The following ANKRD30BL variants were observed in gnomAD, a reference collection of about 807,000 sequenced individuals.
ANKRD30BL encodes the protein putative ankyrin repeat domain-containing protein 30B-like.
Under a neutral mutation model 18.4 loss-of-function variants are expected in ANKRD30BL, and 20 were observed. The ratio of observed to expected loss-of-function variants is 1.09; its 90% CI spans 0.77 to 1.58. The LOEUF (loss-of-function observed/expected upper bound fraction) is 1.58. Ranked by LOEUF, ANKRD30BL falls within the 40% of genes most tolerant of loss-of-function variation. The pLI is 0.00. For missense variants in ANKRD30BL, 224 were observed against 268.6 expected (o/e 0.83, Z 1.16); for synonymous variants, 72 against 100.9 (o/e 0.71, Z 1.72).
intron 1 of ANKRD30BL, among the ~76,000 whole-genome samples, chr2:132,230,576 ACT>A (rs1318316355): frequency 6.6e-6 from 1 of 151,902 alleles, no homozygotes; most frequent in Non-Finnish European, 1.5e-5. Flanking sequence ...GTTTTGAAGC[ACT>A]GTTTTTGGAC....
At chr2:132,159,028 C>T (rs1341908301) in intron 1 of ANKRD30BL, among the ~76,000 whole-genome samples, 2 of 151,892 alleles carry the variant, frequency 1.3e-5, no homozygotes, top group Non-Finnish European at 2.9e-5. Flanking sequence ...TGTACATGCT[C>T]AATGTGGAAA....
At chr2:132,167,466 A>ATG (rs1277191060) in intron 1 of ANKRD30BL, among the ~76,000 whole-genome samples, 1 of 152,008 alleles carries the variant, frequency 6.6e-6, no homozygotes, top group Non-Finnish European at 1.5e-5. Context: ...GGGATTACAG[A>ATG]TGTGTGCCAC....
chr2:132,204,465 ATGTATG>A, intron 1 of ANKRD30BL, among the ~76,000 whole-genome samples: 3 of 94,072 alleles, frequency 3.2e-5, no homozygotes, highest in African/African-American at 9.6e-5. Flanking sequence ...GTGTGTATGT[ATGTATG>A]TATATATAGT....
rs530184588 is a variant in ANKRD30BL at position 132,186,862 on chromosome 2, C to T, written n.442-29716G>A. Among the ~76,000 whole-genome samples the T allele has an allele frequency of 2.6e-3, 394 of 152,120 alleles. 5 individuals carry two copies. Among genetic ancestry groups the T allele is most frequent in the African/African-American group, 9.0e-3 (373 of 41,508 alleles). ...TAAATGTCTTTCATTAAAATATTCA[C>T]CTACATAAAATAAGTATTCAGAATT... On this transcript the variant is annotated intron_variant and non_coding_transcript_variant, in intron 1 of 4. Transcript: ENST00000470729.
intron 1 of ANKRD30BL, among the ~76,000 whole-genome samples, chr2:132,231,439 C>A (rs1680007593): frequency 1.3e-5 from 2 of 152,206 alleles, no homozygotes; most frequent in African/African-American, 4.8e-5. Flanking sequence ...AGGTTCATCT[C>A]ACTAGGGAGT....
Position 132,150,967 on chromosome 2 carries a change from T to C in ANKRD30BL, c.624A>G (p.Gln208=), listed in dbSNP as rs964721516. ...TCTTTTGTTTATATTCCAAAAGTTG[T>C]TGATGAACGCTATGTATAAAAATGA... The part of the protein sequence containing the change: ...NAVDKFKCVH[Q]QLLEYKQKIS... Residue 208 remains glutamine (Q), a synonymous_variant, in exon 5 of 6, where the codon CAA becomes CAG. Coordinates refer to ENST00000409867, the MANE Select transcript of ANKRD30BL (RefSeq NM_001358416.1). The C allele has an allele frequency of 1.1e-5, 7 of 613,510 alleles. No homozygotes were observed. The Admixed American group carries it at 1.4e-4, about 13-fold the overall frequency. 38.0% of individuals were successfully genotyped at this position (613,510 alleles called of 1,614,324 possible). A position where few individuals can be genotyped will look rare whatever the true frequency, so the allele number is the denominator to read the frequency against.
In ANKRD30BL at chr2:132,221,626, CAGTCCGGGAGGGAGGTGGGGGGTT is replaced by C. The variant is rs1679688026; in HGVS notation, n.441+35879_441+35902del. 3.9e-5 allele frequency among the ~76,000 whole-genome samples: 5 copies of C among 126,818 alleles called. 1 individual carries two copies. The highest frequency in any genetic ancestry group is 1.9e-4 in the African/African-American group (5 of 26,784). 83.2% of individuals were successfully genotyped at this position (126,818 alleles called of 152,430 possible). On this transcript the variant is annotated intron_variant and non_coding_transcript_variant, in intron 1 of 4. Coordinates refer to the ANKRD30BL transcript ENST00000470729. ...TCAGCCCCCCGCCCGGCCAGCCGCC[CAGTCCGGGAGGGAGGTGGGGGGTT>C]CAGCCCCCCGCCCGGCCAGCCGCCC...
chr2:132,219,876 T>C (rs796234432), intron 1 of ANKRD30BL, among the ~76,000 whole-genome samples: 1 of 152,184 alleles, frequency 6.6e-6, no homozygotes, highest in Non-Finnish European at 1.5e-5. Context: ...TTGTGATGTG[T>C]GCATTCAACT....
intron 1 of ANKRD30BL, among the ~76,000 whole-genome samples, chr2:132,184,650 T>C (rs999318076): frequency 6.6e-6 from 1 of 152,190 alleles, no homozygotes; most frequent in Non-Finnish European, 1.5e-5. Flanking sequence ...TAGTTATATA[T>C]GTGTAAAATG....
chr2:132,186,726 CTAT>C (rs1231341694), intron 1 of ANKRD30BL, among the ~76,000 whole-genome samples: 1 of 152,160 alleles, frequency 6.6e-6, no homozygotes, highest in Non-Finnish European at 1.5e-5. Context: ...TATGGAATTA[CTAT>C]TATTTTTGTT....
chr2:132,226,746 C>A (rs140842801), intron 1 of ANKRD30BL, among the ~76,000 whole-genome samples: 16 of 151,588 alleles, frequency 1.1e-4, no homozygotes, highest in African/African-American at 3.9e-4. Flanking sequence ...GTGATGTGTG[C>A]GTTCATCTCA....
intron 1 of ANKRD30BL, among the ~76,000 whole-genome samples, chr2:132,232,161 C>T (rs1212706598): frequency 6.6e-6 from 1 of 152,298 alleles, no homozygotes; most frequent in South Asian, 2.1e-4. Flanking sequence ...ACAGAAAGGA[C>T]ATCCACAACA....
intron 1 of ANKRD30BL, 75 bp downstream of exon 1, chr2:132,161,413 G>C (rs1351342285): frequency 3.7e-6 from 5 of 1,348,974 alleles, no homozygotes; most frequent in South Asian, 2.6e-5. Flanking sequence ...GGACCCCCAG[G>C]CCCCACTCTG....
chr2:132,234,835 A>C (rs1680111737), intron 1 of ANKRD30BL, among the ~76,000 whole-genome samples: 1 of 152,232 alleles, frequency 6.6e-6, no homozygotes, highest in Admixed American at 6.5e-5. Context: ...AACTCATTTT[A>C]TGAGGCCAGC....
At chr2:132,168,636 C>T (rs201041325) in intron 1 of ANKRD30BL, among the ~76,000 whole-genome samples, 1 of 152,008 alleles carries the variant, frequency 6.6e-6, no homozygotes, top group African/African-American at 2.4e-5. Flanking sequence ...ATTCTGGATA[C>T]CTAACATATA....
intron 1 of ANKRD30BL, among the ~76,000 whole-genome samples, chr2:132,208,749 A>G (rs995336620): frequency 2.6e-5 from 4 of 151,644 alleles, no homozygotes; most frequent in Non-Finnish European, 5.9e-5. Flanking sequence ...ATAGGATTCC[A>G]GTACACAGTG....
At chr2:132,252,300 G>C (rs1036977835) in intron 1 of ANKRD30BL, among the ~76,000 whole-genome samples, 12 of 152,248 alleles carry the variant, frequency 7.9e-5, no homozygotes, top group African/African-American at 2.9e-4. Flanking sequence ...ACTAAACGGA[G>C]GTGGGGGACG....
chr2:132,249,955 A>G (rs1157193549), intron 1 of ANKRD30BL, among the ~76,000 whole-genome samples: 1 of 152,188 alleles, frequency 6.6e-6, no homozygotes, highest in African/African-American at 2.4e-5. Context: ...GCAGTTTATC[A>G]TAAATCTTCT....
chr2:132,157,604 G>A (rs1403030399), intron 1 of ANKRD30BL, among the ~76,000 whole-genome samples, 181 bp from the exon 2 acceptor site: 1 of 152,166 alleles, frequency 6.6e-6, no homozygotes, highest in Non-Finnish European at 1.5e-5. Flanking sequence ...ATTAATGAAA[G>A]AGTGCCTGTT....
Sources: gnomAD v4.1 joint callset for allele counts (sites outside exome capture counted in the v4.1 genomes callset) on GRCh38, gnomAD v4.1.1 for gene constraint, MANE v1.5 for transcripts, NCBI Gene and HGNC (gene_info 2026-07-23, HGNC 2026-07-21) for gene names.